Variants in LRP1B observed in about 807,000 individuals in gnomAD.
The protein encoded by LRP1B is low-density lipoprotein receptor-related protein 1B.
In LRP1B, 217 loss-of-function variants were observed where a neutral mutation model predicts 556.6. The observed-to-expected ratio is 0.39, with a 90% CI of 0.35 to 0.44. The LOEUF is 0.44. Ranked by LOEUF, LRP1B falls within the 20% of genes least tolerant of loss-of-function variation. LRP1B has a pLI of 1.00. For missense variants in LRP1B, 5,053 were observed against 5,620.8 expected (o/e 0.90, Z 3.23); for synonymous variants, 2,047 against 1,865.8 (o/e 1.10, Z -2.50).
At chr2:140,578,005 A>G (rs896998553) in intron 43 of LRP1B, among the ~76,000 whole-genome samples, 3 of 152,190 alleles carry the variant, frequency 2.0e-5, no homozygotes, top group Non-Finnish European at 2.9e-5. Flanking sequence ...AATTCCATCA[A>G]TATAAAAGAA....
rs916502724 is a variant in LRP1B at position 142,129,403 on chromosome 2, A to C, written c.82+1245T>G. Among the ~76,000 whole-genome samples, 12 of 152,322 alleles carry C rather than the reference A, an allele frequency of 7.9e-5. No individual in the cohort carries two copies. The East Asian group carries it at 2.3e-3, about 29-fold the overall frequency. ...CGTGTAGGTATGTTACAAAGGCTAG[A>C]ATCTGGCTGCCAACAGCAGGTTGAA... On this transcript the variant is annotated intron_variant, in intron 1 of 90. Transcript: ENST00000389484.
At chr2:140,687,491 C>A (rs139519392) in intron 41 of LRP1B, among the ~76,000 whole-genome samples, 1,938 of 152,024 alleles carry the variant, frequency 0.013, 74 homozygotes, top group Admixed American at 0.071. Flanking sequence ...TTAATTATGT[C>A]CCTCTTAAAG....
At chr2:140,558,622 G>A (rs960169067) in intron 43 of LRP1B, among the ~76,000 whole-genome samples, 9 of 152,056 alleles carry the variant, frequency 5.9e-5, no homozygotes, top group Non-Finnish European at 1.3e-4. Flanking sequence ...GCTAAGTGGG[G>A]AAGGGTTTCT....
chr2:141,121,202 T>C (rs2104996772), intron 7 of LRP1B, among the ~76,000 whole-genome samples: 1 of 152,166 alleles, frequency 6.6e-6, no homozygotes, highest in East Asian at 1.9e-4. Context: ...CAGATTTAAA[T>C]GCAATAATCC....
chr2:141,192,165 A>C (rs2105203346), intron 6 of LRP1B, among the ~76,000 whole-genome samples: 1 of 152,046 alleles, frequency 6.6e-6, no homozygotes, highest in Non-Finnish European at 1.5e-5. Flanking sequence ...AATTTGTATT[A>C]GAATTAAAGA....
At chr2:141,519,509 G>A (rs1328175189) in intron 2 of LRP1B, among the ~76,000 whole-genome samples, 2 of 151,338 alleles carry the variant, frequency 1.3e-5, no homozygotes, top group Non-Finnish European at 1.5e-5. Flanking sequence ...CTCAGTTGAA[G>A]TATGCCATGT....
At chr2:141,377,053 CG>C (rs1689464710) in intron 3 of LRP1B, among the ~76,000 whole-genome samples, 1 of 152,016 alleles carries the variant, frequency 6.6e-6, no homozygotes, top group African/African-American at 2.4e-5. Context: ...AAAAGGAAGG[CG>C]GGTGTTTCTA....
intron 59 of LRP1B, among the ~76,000 whole-genome samples, chr2:140,479,604 C>A (rs1030644101): frequency 6.6e-6 from 1 of 152,076 alleles, no homozygotes; most frequent in African/African-American, 2.4e-5. Flanking sequence ...TCAGCTTTTA[C>A]TATTTTTCTC....
At chr2:140,858,903 A>C (rs953069013) in intron 27 of LRP1B, among the ~76,000 whole-genome samples, 4 of 152,218 alleles carry the variant, frequency 2.6e-5, no homozygotes, top group African/African-American at 9.6e-5. Flanking sequence ...GTCCCTGCAG[A>C]GAGCATAATC....
At chr2:141,972,665 C>A (rs1289370873) in intron 1 of LRP1B, among the ~76,000 whole-genome samples, 1 of 150,780 alleles carries the variant, frequency 6.6e-6, no homozygotes, top group East Asian at 1.9e-4. Flanking sequence ...GTTTTTTAGA[C>A]GTTGGTTCTG....
intron 35 of LRP1B, among the ~76,000 whole-genome samples, chr2:140,746,236 T>C (rs1573656121): frequency 6.6e-6 from 1 of 152,300 alleles, no homozygotes; most frequent in East Asian, 1.9e-4. Context: ...CAGCACTTTT[T>C]CAATCCCCCC....
At chr2:142,005,905 A>G (rs1384599678) in intron 1 of LRP1B, among the ~76,000 whole-genome samples, 2 of 151,854 alleles carry the variant, frequency 1.3e-5, no homozygotes, top group East Asian at 1.9e-4. Flanking sequence ...AAAGAAAAAA[A>G]AAAGAAAAAA....
intron 2 of LRP1B, among the ~76,000 whole-genome samples, chr2:141,749,459 G>A (rs1056746550): frequency 6.6e-6 from 1 of 152,012 alleles, no homozygotes; most frequent in Non-Finnish European, 1.5e-5. Flanking sequence ...TGGCACTATT[G>A]GTGATTATTT....
chr2:140,715,922 C>A (rs2105460953), intron 37 of LRP1B, 51 bp downstream of exon 37: 3 of 1,413,522 alleles, frequency 2.1e-6, no homozygotes, highest in Admixed American at 2.2e-5. Context: ...TTCAATAGAA[C>A]TTAGAAAACT....
At chr2:140,988,548 T>C (rs1696996475) in intron 17 of LRP1B, among the ~76,000 whole-genome samples, 1 of 151,894 alleles carries the variant, frequency 6.6e-6, no homozygotes, top group Non-Finnish European at 1.5e-5. Flanking sequence ...TTAATACTCT[T>C]ACCGTGCTGG....
chr2:141,359,907 A>G (rs567736130), intron 3 of LRP1B, among the ~76,000 whole-genome samples: 3 of 152,330 alleles, frequency 2.0e-5, no homozygotes, highest in East Asian at 3.9e-4. Flanking sequence ...TGCACAGAGA[A>G]GTAACTTAAG....
intron 33 of LRP1B, 122 bp downstream of exon 33, chr2:140,775,975 CT>C: frequency 1.2e-6 from 1 of 837,944 alleles, no homozygotes; most frequent in Non-Finnish European, 1.8e-6. Context: ...CAACATTTTC[CT>C]TTTTTCTCTG....
At chr2:140,481,054 A>G (rs1453721038) in intron 59 of LRP1B, among the ~76,000 whole-genome samples, 4 of 151,976 alleles carry the variant, frequency 2.6e-5, no homozygotes, top group South Asian at 2.1e-4. Context: ...CTTAGTAGAG[A>G]GGGGGTTTCA....
chr2:140,834,429 G>A (rs1266090573), intron 31 of LRP1B, among the ~76,000 whole-genome samples: 5 of 152,052 alleles, frequency 3.3e-5, no homozygotes, highest in South Asian at 2.1e-4. Context: ...CAGTAGAGAC[G>A]AGGTTTCACC....
Sources: gnomAD v4.1 joint callset for allele counts (sites outside exome capture counted in the v4.1 genomes callset) on GRCh38, gnomAD v4.1.1 for gene constraint, MANE v1.5 for transcripts, NCBI Gene and HGNC (gene_info 2026-07-23, HGNC 2026-07-21) for gene names.